Variants in PPP6R2 observed in about 807,000 individuals in gnomAD.
PPP6R2 encodes the protein protein phosphatase 6 regulatory subunit 2, also known as serine/threonine-protein phosphatase 6 regulatory subunit 2.
Under a neutral mutation model 100.2 loss-of-function variants are expected in PPP6R2, and 62 were observed. The observed-to-expected ratio is 0.62, with a 90% confidence interval of 0.50 to 0.76. The LOEUF (loss-of-function observed/expected upper bound fraction) is 0.76. Among genes scored for constraint, PPP6R2 ranks in the 30% least tolerant of loss-of-function variants. The probability of loss-of-function intolerance (pLI) is 0.00; values close to 1 mark genes in which losing one functional copy is unlikely to be tolerated. For synonymous variants in PPP6R2, 525 were observed against 514.7 expected, an observed-to-expected ratio of 1.02 and a Z score of -0.27; for missense variants, 1,142 against 1,276.3, an observed-to-expected ratio of 0.89 and a Z score of 1.60.
chr22:50,437,754 C>T, intron 16 of PPP6R2, 89 bp from the exon 17 acceptor site: 6 of 1,467,962 alleles, frequency 4.1e-6, no homozygotes, highest in South Asian at 1.2e-5. Flanking sequence ...GTGCTGAGGC[C>T]CCCGATGAGC....
chr22:50,334,703 C>T, the PPP6R2 span, among the ~76,000 whole-genome samples: 4 of 152,090 alleles, frequency 2.6e-5, no homozygotes, highest in Non-Finnish European at 5.9e-5. Flanking sequence ...CGGTGGCTCA[C>T]GCCTATAATC....
At chr22:50,343,841 CCCCCCAGTCAGTTT>C (rs2042798992) in intron 1 of PPP6R2, among the ~76,000 whole-genome samples, 1 of 23,896 alleles carries the variant, frequency 4.2e-5, no homozygotes, top group Non-Finnish European at 7.7e-5. Flanking sequence ...CAGTCAGTTT[CCCCCCAGTCAGTTT>C]CCCCCCAGTC....
In PPP6R2 at chr22:50,437,849, G is replaced by A. The variant is rs745576705; in HGVS notation, c.1788G>A (p.Pro596=). 2.1e-5 allele frequency: 33 copies of A among 1,552,836 alleles called. No individual in the cohort carries two copies. Among genetic ancestry groups the A allele is most frequent in the Admixed American group, 3.9e-5 (2 of 51,050 alleles). Residue 596 remains proline (P), a synonymous_variant, in exon 17 of 24, where the codon CCG becomes CCA. Coordinates refer to ENST00000612753, the MANE Select transcript of PPP6R2 (RefSeq NM_001242898.2). Reference sequence around the variant, plus strand: ...ATCCCCCTTGCTCTTGCAGTGCCCCGTTTGACAGGATCGCAGAGATCAACT... The same window carrying A: ...ATCCCCCTTGCTCTTGCAGTGCCCCATTTGACAGGATCGCAGAGATCAACT... ...FADQDDNINA[P]FDRIAEINFN...
At position 50,423,314 on chromosome 22, in the gene PPP6R2, C is replaced by A; in HGVS notation, c.973-148C>A. On this transcript the variant is annotated intron_variant, in intron 9 of 23. Transcript: ENST00000612753. This position sits in a 1 kb window ranked among gnomAD's most constrained non-coding sequence, Gnocchi z 4.8. ...CCATTGATGCCTTCATTTCTTCTGG[C>A]AGACGGCCCTCCCTGAGGAACCCCC... 1 of 863,048 alleles carries A rather than the reference C, an allele frequency of 1.2e-6. No individual in the cohort carries two copies. The highest frequency in any genetic ancestry group is 1.8e-6 in the Non-Finnish European group (1 of 571,312). 53.5% of individuals were successfully genotyped at this position (863,048 alleles called of 1,614,324 possible). A position where few individuals can be genotyped will look rare whatever the true frequency, so the allele number is the denominator to read the frequency against.
At chr22:50,381,598 C>T (rs1224014515) in intron 2 of PPP6R2, among the ~76,000 whole-genome samples, 2 of 152,144 alleles carry the variant, frequency 1.3e-5, no homozygotes, top group Non-Finnish European at 2.9e-5. Flanking sequence ...TTAATAAGTG[C>T]AGTTTACAAG....
chr22:50,443,732 G>A (rs1387031906), intron 22 of PPP6R2, 134 bp from the exon 23 acceptor site: 2 of 1,287,994 alleles, frequency 1.6e-6, no homozygotes, highest in African/African-American at 3.0e-5. Flanking sequence ...CCCCACAAAG[G>A]GCAGGAGTGA....
At chr22:50,331,385 T>A in the PPP6R2 span, among the ~76,000 whole-genome samples, 3 of 152,170 alleles carry the variant, frequency 2.0e-5, no homozygotes, top group African/African-American at 7.2e-5. Context: ...TTATCAAACT[T>A]TTCCGAACAG....
chr22:50,388,557 C>T (rs2054745165), intron 2 of PPP6R2, among the ~76,000 whole-genome samples: 1 of 151,934 alleles, frequency 6.6e-6, no homozygotes, highest in African/African-American at 2.4e-5. Flanking sequence ...AGAGCAGGAC[C>T]CTGTCTCAAA....
chr22:50,422,332 C>T lies in PPP6R2; in HGVS notation c.924C>T (p.Ile308=), dbSNP rs2061445760. 13 of 1,613,988 alleles carry T rather than the reference C, an allele frequency of 8.1e-6. No individual in the cohort carries two copies. The highest frequency in any genetic ancestry group is 3.3e-5 in the Admixed American group (2 of 59,986). The change falls in exon 9 of 24, where the codon ATC becomes ATT. Residue 308 remains isoleucine, a synonymous_variant. Transcript: ENST00000612753. ...YAVSSSVLHG[I]EPRLKDFHQL... is the part of the protein sequence containing the mutation. ...TCAGCAGCAGCGTACTACACGGCATCGAGCCTCGGCTGAAGGACTTCCACC... is the reference window on the plus strand; with the variant it reads ...TCAGCAGCAGCGTACTACACGGCATTGAGCCTCGGCTGAAGGACTTCCACC...
At chr22:50,437,102 G>T in intron 15 of PPP6R2, 34 bp downstream of exon 15, 1 of 1,526,824 alleles carries the variant, frequency 6.5e-7, no homozygotes, top group Non-Finnish European at 8.9e-7. Context: ...ACCCTGCCGG[G>T]CCCTTCCCGG....
At chr22:50,346,980 A>G (rs557531651) in intron 1 of PPP6R2, among the ~76,000 whole-genome samples, 215 of 150,618 alleles carry the variant, frequency 1.4e-3, no homozygotes, top group African/African-American at 4.8e-3. Flanking sequence ...TCTGTCAGCA[A>G]TGTCCCCACC....
the PPP6R2 span, among the ~76,000 whole-genome samples, chr22:50,335,887 G>A: frequency 4.2e-5 from 6 of 143,830 alleles, 1 homozygote; most frequent in African/African-American, 1.3e-4. Flanking sequence ...CATGTGGGCC[G>A]GGCTGGTCTC....
chr22:50,436,518 C>T, intron 14 of PPP6R2, 66 bp downstream of exon 14: 6 of 1,495,516 alleles, frequency 4.0e-6, no homozygotes, highest in South Asian at 1.2e-5. Context: ...GACGCTCCTG[C>T]CTTTGCCCTG....
chr22:50,429,116 C>T (rs2062700053), intron 10 of PPP6R2, among the ~76,000 whole-genome samples: 1 of 152,026 alleles, frequency 6.6e-6, no homozygotes, highest in African/African-American at 2.4e-5. Context: ...CGGCAACCGC[C>T]GCCTCCTGGG....
At position 50,443,952 on chromosome 22, in the gene PPP6R2, C is replaced by G. The variant is rs1759395199; in HGVS notation, c.2666C>G (p.Pro889Arg). The change falls in exon 23 of 24, where the codon CCC becomes CGC. Residue 889 changes from proline (P) to arginine (R), a missense_variant. Transcript: ENST00000612753. ...VTAAPAVAVP[P>R]EATVAITTAL... ...GCTGCCCCAGCCGTGGCTGTGCCCC[C>G]CGAGGCTACTGTGGCCATCACCACA... The G allele has an allele frequency of 6.2e-7, 1 of 1,610,998 alleles. No homozygotes were observed. The highest frequency in any genetic ancestry group is 8.5e-7 in the Non-Finnish European group (1 of 1,179,176).
intron 22 of PPP6R2, among the ~76,000 whole-genome samples, chr22:50,442,601 G>C (rs928022756): frequency 2.6e-5 from 4 of 152,124 alleles, no homozygotes; most frequent in Non-Finnish European, 4.4e-5. Context: ...CCAGGCTGGA[G>C]TGCAGTGGCG....
intron 8 of PPP6R2, 25 bp from the exon 9 acceptor site, chr22:50,422,229 C>T (rs1239377094): frequency 6.2e-7 from 1 of 1,609,362 alleles, no homozygotes; most frequent in Non-Finnish European, 8.5e-7. Flanking sequence ...TGTCCCCGGT[C>T]TCCATCTGCT....
chr22:50,408,110 C>T (rs2059230069), intron 4 of PPP6R2, among the ~76,000 whole-genome samples: 1 of 152,158 alleles, frequency 6.6e-6, no homozygotes, highest in Admixed American at 6.5e-5. Context: ...TGGTTTCGAA[C>T]TCTTGGGCTC....
intron 7 of PPP6R2, 106 bp from the exon 8 acceptor site, chr22:50,419,243 G>T: frequency 3.0e-6 from 3 of 1,011,574 alleles, no homozygotes; most frequent in Non-Finnish European, 4.5e-6. Flanking sequence ...AGCCTGAGCA[G>T]GTTGAGGGTT....
Sources: gnomAD v4.1 joint callset for allele counts (sites outside exome capture counted in the v4.1 genomes callset) on GRCh38, gnomAD v4.1.1 for gene constraint, Gnocchi (gnomAD v3.1) non-coding constraint, MANE v1.5 for transcripts, NCBI Gene and HGNC (gene_info 2026-07-23, HGNC 2026-07-21) for gene names.